The following RFX2 variants were observed in gnomAD, a reference collection of about 807,000 sequenced individuals.
RFX2 encodes the protein regulatory factor X2.
Under a neutral mutation model 87.8 loss-of-function variants are expected in RFX2, and 20 were observed. The ratio of observed to expected loss-of-function variants is 0.23; its 90% CI spans 0.16 to 0.33. RFX2 has a LOEUF of 0.33. Ranked by LOEUF, RFX2 falls within the 10% of genes least tolerant of loss-of-function variation. RFX2 has a pLI of 1.00. For missense variants in RFX2, 767 were observed against 1,012.3 expected (o/e 0.76, Z 3.29); for synonymous variants, 397 against 431.3 (o/e 0.92, Z 0.98).
intron 1 of RFX2, among the ~76,000 whole-genome samples, chr19:6,066,840 A>G (rs2087520250): frequency 6.6e-6 from 1 of 152,242 alleles, no homozygotes; most frequent in African/African-American, 2.4e-5. Flanking sequence ...CCCGTTTCCA[A>G]GAGCCTGTTG....
At chr19:6,109,376 CA>C (rs961837856) in intron 1 of RFX2, 9 of 151,586 alleles carry the variant, frequency 5.9e-5, no homozygotes, top group African/African-American at 1.7e-4. Context: ...GGATTTGGGG[CA>C]AAAAGGTGAG....
chr19:6,004,187 C>T lies in RFX2; in HGVS notation c.1500+14G>A, dbSNP rs747939227. On this transcript the variant is annotated intron_variant, in intron 13 of 17. Transcript: ENST00000303657. The surrounding 1 kb of genome is among the most constrained non-coding windows in gnomAD (Gnocchi z 4.8). ...AGCCATCGTTGGGGAGCCCAGGCCC[C>T]ACCCCGGACGCACCTTGGTCTGGAT... 28 of 1,606,818 alleles carry T rather than the reference C, an allele frequency of 1.7e-5. No individual in the cohort carries two copies. Among genetic ancestry groups the T allele is most frequent in the African/African-American group, 2.7e-5 (2 of 74,786 alleles).
At position 6,026,393 on chromosome 19, in the gene RFX2, G is replaced by T. The variant is rs1184354688; in HGVS notation, c.523-156C>A. The stretch of plus-strand genomic sequence containing the variant: ...AAATGAGGCTCCACGCAGGCAGGGC[G>T]GGGGTGAGTTAAATTGTGCATGAAA... On this transcript the variant is annotated intron_variant, in intron 5 of 17. Transcript: ENST00000303657. This position sits in a 1 kb window ranked among gnomAD's most constrained non-coding sequence, Gnocchi z 4.5. 4.5e-6 allele frequency: 3 copies of T among 661,752 alleles called. No individual in the cohort carries two copies. Among genetic ancestry groups the T allele is most frequent in the Non-Finnish European group, 7.8e-6 (3 of 386,666 alleles). 41.0% of individuals were successfully genotyped at this position (661,752 alleles called of 1,614,324 possible).
At chr19:6,088,696 G>A (rs1475528395) in intron 1 of RFX2, among the ~76,000 whole-genome samples, 1 of 152,090 alleles carries the variant, frequency 6.6e-6, no homozygotes, top group African/African-American at 2.4e-5. Flanking sequence ...AGAGCCTAAG[G>A]GGTTTTATAA....
chr19:6,079,475 G>A (rs1022972257), intron 1 of RFX2, among the ~76,000 whole-genome samples: 1 of 152,210 alleles, frequency 6.6e-6, no homozygotes, highest in Admixed American at 6.5e-5. Context: ...TTCTGGAAAA[G>A]GCAGAGCTAT....
chr19:6,096,996 A>G (rs952921831), intron 1 of RFX2, among the ~76,000 whole-genome samples: 2 of 152,240 alleles, frequency 1.3e-5, no homozygotes, highest in African/African-American at 4.8e-5. Context: ...ACAGTCCTGC[A>G]TGAGAGGGTC....
chr19:6,032,137 T>A (rs933978191), intron 5 of RFX2, among the ~76,000 whole-genome samples: 1 of 151,898 alleles, frequency 6.6e-6, no homozygotes. Flanking sequence ...TATTATTATT[T>A]TTTGAGATGG....
intron 1 of RFX2, chr19:6,068,410 A>G (rs2087544056): frequency 6.6e-6 from 1 of 152,232 alleles, no homozygotes; most frequent in Non-Finnish European, 1.5e-5. Flanking sequence ...GCATATGGAC[A>G]GTAAACAAGG....
In RFX2 at chr19:6,083,916, A is replaced by G. The variant is rs76024709; in HGVS notation, c.-9+26477T>C. ...TTAGTCCCATTTTCTCCATTCTTAA[A>G]TTACTGTTTAGGTTGCTTTACATTC... On this transcript the variant is annotated intron_variant, in intron 1 of 17. Transcript: ENST00000303657. The surrounding 1 kb of genome is among the most constrained non-coding windows in gnomAD (Gnocchi z 4.6). Among the ~76,000 whole-genome samples the G allele has an allele frequency of 0.023, 3,444 of 152,124 alleles. 139 individuals are homozygous for G. The highest frequency in any genetic ancestry group is 0.079 in the African/African-American group (3,284 of 41,470).
Position 6,002,026 on chromosome 19 carries a change from G to T in RFX2, c.1651-3C>A. 1 of 1,602,730 alleles carries T rather than the reference G, an allele frequency of 6.2e-7. No individual in the cohort carries two copies. ...TGGCACACCCACGAGGCCTGCTCCT[G>T]TGGGCAGGGCAGAGGCCAGTGTCAG... is the stretch of plus-strand genomic sequence containing the variant. On this transcript the variant is annotated splice_polypyrimidine_tract_variant and splice_region_variant and intron_variant, in intron 14 of 17. Transcript: ENST00000303657. The surrounding 1 kb of genome is among the most constrained non-coding windows in gnomAD (Gnocchi z 6.7).
At position 6,011,472 on chromosome 19, in the gene RFX2, A is replaced by T. The variant is rs1254384594; in HGVS notation, c.900-1221T>A. On this transcript the variant is annotated intron_variant, in intron 8 of 17. Coordinates refer to ENST00000303657, the MANE Select transcript of RFX2 (RefSeq NM_000635.4). This position sits in a 1 kb window ranked among gnomAD's most constrained non-coding sequence, Gnocchi z 4.8. ...GTGTGTAAACCACCTGGCTCAGGGC[A>T]GGCCGTGGGCATCACACAGACACAG... Among the ~76,000 whole-genome samples, 2 of 152,240 alleles carry T rather than the reference A, an allele frequency of 1.3e-5. No homozygotes were observed. The highest frequency in any genetic ancestry group is 2.9e-5 in the Non-Finnish European group (2 of 68,044).
At chr19:6,035,884 T>A (rs1396992527) in intron 5 of RFX2, among the ~76,000 whole-genome samples, 1 of 151,526 alleles carries the variant, frequency 6.6e-6, no homozygotes, top group Non-Finnish European at 1.5e-5. Context: ...TGTGTGTGTG[T>A]GTGTGAAAAC....
rs562961837 is a variant in RFX2, at chr19:5,997,053, T to C, written c.2013+7A>G. ...GCCCCGGCCGTCCCACCCAGGAGGGTCCTCACCTCTCCCATCACAGCGATC... is the reference window on the plus strand; with the variant it reads ...GCCCCGGCCGTCCCACCCAGGAGGGCCCTCACCTCTCCCATCACAGCGATC... On this transcript the variant is annotated splice_region_variant and intron_variant, in intron 16 of 17. Transcript: ENST00000303657. The surrounding 1 kb of genome is among the most constrained non-coding windows in gnomAD (Gnocchi z 4.2). The C allele has an allele frequency of 2.5e-6, 4 of 1,606,892 alleles. No individual in the cohort carries two copies. The African/African-American group carries it at 4.0e-5, about 16-fold the overall frequency.
chr19:6,006,561 T>C (rs975190555), intron 12 of RFX2, among the ~76,000 whole-genome samples: 2 of 150,832 alleles, frequency 1.3e-5, no homozygotes, highest in Non-Finnish European at 2.9e-5. Context: ...GCTATTCTCC[T>C]GGCTCGGCCT....
chr19:6,106,452 C>A (rs10409535), intron 1 of RFX2, among the ~76,000 whole-genome samples: 37,581 of 152,208 alleles, frequency 0.25, 8,778 homozygotes, highest in African/African-American at 0.62. Context: ...TGAAAACTGG[C>A]AATTTTTTTG....
At chr19:5,995,798 C>A (rs546331340) in intron 16 of RFX2, among the ~76,000 whole-genome samples, 155 bp from the exon 17 acceptor site, 2 of 152,242 alleles carry the variant, frequency 1.3e-5, no homozygotes, top group East Asian at 3.9e-4. Flanking sequence ...CTGATGCTGC[C>A]AGGTGTCTGG....
chr19:6,099,642 T>C (rs2088086760), intron 1 of RFX2, among the ~76,000 whole-genome samples: 2 of 152,194 alleles, frequency 1.3e-5, no homozygotes, highest in African/African-American at 4.8e-5. Context: ...CAACATAGCC[T>C]GTGGGAACTG....
intron 1 of RFX2, among the ~76,000 whole-genome samples, chr19:6,077,884 G>A (rs1206382192): frequency 6.6e-6 from 1 of 151,588 alleles, no homozygotes; most frequent in Non-Finnish European, 1.5e-5. Context: ...GGAGGCTGAG[G>A]CAGGAGAATC....
At chr19:6,072,143 T>C (rs1288988895) in intron 1 of RFX2, 1 of 152,160 alleles carries the variant, frequency 6.6e-6, no homozygotes, top group African/African-American at 2.4e-5. Context: ...ATGTTCTAAC[T>C]CCGCCTGAGA....
Sources: gnomAD v4.1 joint callset for allele counts (sites outside exome capture counted in the v4.1 genomes callset) on GRCh38, gnomAD v4.1.1 for gene constraint, Gnocchi (gnomAD v3.1) non-coding constraint, MANE v1.5 for transcripts, NCBI Gene and HGNC (gene_info 2026-07-23, HGNC 2026-07-21) for gene names.